The following GALNT16 variants were observed in gnomAD, a reference collection of about 807,000 sequenced individuals.
The protein encoded by GALNT16 is polypeptide N-acetylgalactosaminyltransferase 16, also known as UDP-GalNAc:polypeptide N-acetylgalactosaminyltransferase-like protein 1.
Under a neutral mutation model 76.1 loss-of-function variants are expected in GALNT16, and 40 were observed. That is an observed-to-expected ratio of 0.53 (90% CI 0.41 to 0.68). The LOEUF is 0.68. Among genes scored for constraint, GALNT16 ranks in the 30% least tolerant of loss-of-function variants. The pLI, the probability that GALNT16 is intolerant of heterozygous loss-of-function variation, is 0.00. For synonymous variants in GALNT16, 276 were observed against 285.2 expected (o/e 0.97, Z 0.32); for missense variants, 621 against 731.9 (o/e 0.85, Z 1.75).
intron 2 of GALNT16, among the ~76,000 whole-genome samples, chr14:69,321,557 AC>A (rs1336397754): frequency 6.6e-6 from 1 of 150,878 alleles, no homozygotes; most frequent in Non-Finnish European, 1.5e-5. Context: ...CTGAAGCACC[AC>A]CCCCCGCTCC....
intron 1 of GALNT16, among the ~76,000 whole-genome samples, chr14:69,313,956 C>G (rs1268923489): frequency 2.0e-5 from 3 of 152,192 alleles, no homozygotes; most frequent in Non-Finnish European, 4.4e-5. Context: ...TGATTAGCCC[C>G]TCACCATCAT....
the GALNT16 span, among the ~76,000 whole-genome samples, chr14:69,370,671 G>C: frequency 6.6e-6 from 1 of 152,056 alleles, no homozygotes; most frequent in African/African-American, 2.4e-5. Context: ...TGGATTATTT[G>C]AAGCACATCT....
intron 11 of GALNT16, among the ~76,000 whole-genome samples, chr14:69,341,471 T>C (rs181903022): frequency 1.1e-3 from 174 of 152,362 alleles, no homozygotes; most frequent in African/African-American, 4.0e-3. Context: ...AGGAATTTGA[T>C]GAGTGAGGCA....
chr14:69,272,156 T>A (rs1594811389), intron 1 of GALNT16, among the ~76,000 whole-genome samples: 1 of 150,778 alleles, frequency 6.6e-6, no homozygotes. Context: ...AGGTCAGGAG[T>A]TCAAGACCAG....
At chr14:69,316,817 C>A (rs1448470176) in intron 1 of GALNT16, among the ~76,000 whole-genome samples, 1 of 151,014 alleles carries the variant, frequency 6.6e-6, no homozygotes, top group Non-Finnish European at 1.5e-5. Context: ...ATCACAGGGT[C>A]CCATTTGTTT....
chr14:69,260,330 G>A lies in GALNT16; in HGVS notation c.40G>A (p.Val14Ile). 6.2e-7 allele frequency: 1 copy of A among 1,612,936 alleles called. No homozygotes were observed. Among genetic ancestry groups the A allele is most frequent in the Non-Finnish European group, 8.5e-7 (1 of 1,179,450 alleles). ...CGCCAATGCCATCGCCATCCTGACC[G>A]TAGCCTGGATCCTGGGCACTTTCTA... ...IRANAIAILT[V>I]AWILGTFYYL... is the part of the protein sequence containing the mutation. The change falls in exon 1 of 15, where the codon GTA becomes ATA. Residue 14 changes from valine to isoleucine, a missense_variant. By Grantham distance (29) the Val-to-Ile change is conservative. Coordinates refer to ENST00000448469, the MANE Select transcript of GALNT16 (RefSeq NM_001168368.2).
chr14:69,369,121 A>G, the GALNT16 span, among the ~76,000 whole-genome samples: 1 of 152,208 alleles, frequency 6.6e-6, no homozygotes, highest in Non-Finnish European at 1.5e-5. Context: ...ACCCTGAGGT[A>G]GGAAGATCAA....
At chr14:69,306,605 A>G (rs1430239273) in intron 1 of GALNT16, among the ~76,000 whole-genome samples, 1 of 152,214 alleles carries the variant, frequency 6.6e-6, no homozygotes, top group African/African-American at 2.4e-5. Context: ...TTACAAAACC[A>G]TCATGAACAT....
intron 1 of GALNT16, among the ~76,000 whole-genome samples, chr14:69,306,449 A>G (rs117512770): frequency 0.011 from 1,735 of 152,328 alleles, 18 homozygotes; most frequent in Non-Finnish European, 0.017. Flanking sequence ...TACTCCCACT[A>G]ATAATGTATT....
In GALNT16 at chr14:69,341,764, C is replaced by T. The variant is rs371239911; in HGVS notation, c.1271C>T (p.Thr424Met). Residue 424 changes from threonine (T) to methionine (M), a missense_variant and splice_region_variant, in exon 12 of 15, where the codon ACG becomes ATG. Physicochemically the swap from Thr to Met is moderately conservative, Grantham distance 81. Transcript: ENST00000448469. ...WYLENVYPEL[T>M]VPVKEALPGI... ...CTGGAGAACGTCTACCCAGAGCTCACGTGAGTGCAGCCCTCATCTTGTGCA... is the reference window on the plus strand; with the variant it reads ...CTGGAGAACGTCTACCCAGAGCTCATGTGAGTGCAGCCCTCATCTTGTGCA... 1.6e-5 allele frequency: 26 copies of T among 1,607,702 alleles called. No homozygotes were observed. The highest frequency in any genetic ancestry group is 1.7e-4 in the Middle Eastern group (1 of 6,048).
chr14:69,276,415 G>C (rs550180799), intron 1 of GALNT16, among the ~76,000 whole-genome samples: 103 of 152,126 alleles, frequency 6.8e-4, no homozygotes, highest in Non-Finnish European at 7.4e-4. Flanking sequence ...GGGTGCGGTG[G>C]CGCACGCCTG....
At chr14:69,267,496 T>G (rs2044355883) in intron 1 of GALNT16, among the ~76,000 whole-genome samples, 1 of 152,250 alleles carries the variant, frequency 6.6e-6, no homozygotes, top group Non-Finnish European at 1.5e-5. Flanking sequence ...TTCTTGCTGT[T>G]TCATAAAGTG....
rs2044721246 is a variant in GALNT16 at position 69,294,003 on chromosome 14, G to A, written c.178-26708G>A. On this transcript the variant is annotated intron_variant, in intron 1 of 14. Coordinates refer to ENST00000448469, the MANE Select transcript of GALNT16 (RefSeq NM_001168368.2). ...CCTCCCAGGTTCAAGCAATTTTCCT[G>A]CCTCAGCCTCCTGAGTAGTTGGGAC... is the stretch of plus-strand genomic sequence containing the variant. 2.0e-5 allele frequency among the ~76,000 whole-genome samples: 3 copies of A among 152,126 alleles called. No homozygotes were observed. The South Asian group carries it at 6.2e-4, about 32-fold the overall frequency.
downstream of GALNT16, among the ~76,000 whole-genome samples, chr14:69,361,102 T>G (rs2045721328): frequency 6.6e-6 from 1 of 152,186 alleles, no homozygotes; most frequent in Non-Finnish European, 1.5e-5. Context: ...ATGGTTGACT[T>G]CATTCTAGAA....
intron 1 of GALNT16, among the ~76,000 whole-genome samples, chr14:69,285,040 C>CGTTT (rs35894482): frequency 1.6e-5 from 2 of 127,504 alleles, no homozygotes; most frequent in African/African-American, 5.9e-5. Flanking sequence ...CTCGGGCACT[C>CGTTT]TTTTTTTTTT....
intron 1 of GALNT16, among the ~76,000 whole-genome samples, chr14:69,263,456 G>T (rs1376313104): frequency 6.6e-6 from 1 of 152,202 alleles, no homozygotes; most frequent in African/African-American, 2.4e-5. Context: ...CCAGGATGCT[G>T]CATGTGGATT....
At chr14:69,325,501 C>T (rs1047462835) in intron 4 of GALNT16, 97 bp downstream of exon 4, 36 of 792,686 alleles carry the variant, frequency 4.5e-5, no homozygotes, top group Admixed American at 5.2e-5. Context: ...TCCTGACCAT[C>T]GCAGACACCT....
In GALNT16 at chr14:69,260,249, A is replaced by T. The variant is rs1453039041; in HGVS notation, c.-42A>T. ...GCGCCCCCGCCCCGGCCCCGAGAGC[A>T]CGCCGGCCCAGTCCCCCACCTGGGG... On this transcript the variant is annotated 5_prime_UTR_variant, in exon 1 of 15. Coordinates refer to ENST00000448469, the MANE Select transcript of GALNT16 (RefSeq NM_001168368.2). 6.6e-7 allele frequency: 1 copy of T among 1,513,078 alleles called. No individual in the cohort carries two copies. 93.7% of individuals were successfully genotyped at this position (1,513,078 alleles called of 1,614,324 possible). A position where few individuals can be genotyped will look rare whatever the true frequency, so the allele number is the denominator to read the frequency against.
chr14:69,360,359 G>GA (rs58375781), downstream of GALNT16, among the ~76,000 whole-genome samples: 18,441 of 131,832 alleles, frequency 0.14, 1,223 homozygotes, highest in East Asian at 0.2. Flanking sequence ...ATCTCAAAAA[G>GA]AAAAAAAAAA....
Sources: gnomAD v4.1 joint callset for allele counts (sites outside exome capture counted in the v4.1 genomes callset) on GRCh38, gnomAD v4.1.1 for gene constraint, MANE v1.5 for transcripts, NCBI Gene and HGNC (gene_info 2026-07-23, HGNC 2026-07-21) for gene names.